ZNF569: variants seen among roughly 807,000 people sequenced by gnomAD.
The protein encoded by ZNF569 is zinc finger protein 569.
Under a neutral mutation model 56.3 loss-of-function variants are expected in ZNF569, and 38 were observed. The ratio of observed to expected loss-of-function variants is 0.68; its 90% CI spans 0.52 to 0.88. The LOEUF (loss-of-function observed/expected upper bound fraction) is 0.88. Among genes scored for constraint, ZNF569 ranks in the 40% least tolerant of loss-of-function variants. The probability of loss-of-function intolerance (pLI) is 0.00; values close to 1 mark genes in which losing one functional copy is unlikely to be tolerated. For synonymous variants in ZNF569, 241 were observed against 262.9 expected, an observed-to-expected ratio of 0.92 and a Z score of 0.81; for missense variants, 666 against 809.2, an observed-to-expected ratio of 0.82 and a Z score of 2.15.
intron 3 of ZNF569, among the ~76,000 whole-genome samples, chr19:37,440,023 C>T (rs1054145781): frequency 2.6e-5 from 4 of 152,092 alleles, no homozygotes; most frequent in Non-Finnish European, 5.9e-5. Flanking sequence ...ATAATTTGTA[C>T]ATTTAAAAAT....
chr19:37,464,243 A>G lies in ZNF569; in HGVS notation c.-44+1070T>C, dbSNP rs558545695. 1.4e-4 allele frequency among the ~76,000 whole-genome samples: 21 copies of G among 152,204 alleles called. No homozygotes were observed. The East Asian group carries it at 1.5e-3, about 11-fold the overall frequency. Reference sequence around the variant, plus strand: ...CTCACTCTGTTGCCCAGGATGGAGTACAGTGGCGCAATCTCAGCTCAATGC... The same window carrying G: ...CTCACTCTGTTGCCCAGGATGGAGTGCAGTGGCGCAATCTCAGCTCAATGC... On this transcript the variant is annotated intron_variant, in intron 2 of 5. Coordinates refer to ENST00000316950, the MANE Select transcript of ZNF569 (RefSeq NM_152484.3).
chr19:37,447,170 G>A (rs970723291), intron 2 of ZNF569, among the ~76,000 whole-genome samples: 7 of 152,174 alleles, frequency 4.6e-5, no homozygotes, highest in Non-Finnish European at 1.0e-4. Flanking sequence ...CAACCACTAT[G>A]GAAAACAGTG....
intron 5 of ZNF569, 87 bp from the exon 6 acceptor site, chr19:37,414,506 G>A (rs2040896480): frequency 1.4e-6 from 2 of 1,476,786 alleles, no homozygotes; most frequent in Non-Finnish European, 1.8e-6. Context: ...TGCAATTATG[G>A]GACTGATTAT....
chr19:37,431,435 C>T (rs1340448179), intron 3 of ZNF569: 2 of 152,392 alleles, frequency 1.3e-5, no homozygotes, highest in Non-Finnish European at 2.9e-5. Context: ...CTACACACAC[C>T]CTGGACCAGA....
rs754746607 is a variant in ZNF569 at position 37,466,882 on chromosome 19, T to A, written c.-205+202A>T. On this transcript the variant is annotated intron_variant, in intron 1 of 5. Transcript: ENST00000316950. ...CCGGGGCCACACTCAGCCAGACGAA[T>A]GTCTGGCAAATGACAGTCACTTCAC... is the stretch of plus-strand genomic sequence containing the variant. 181 of 152,530 alleles carry A rather than the reference T, an allele frequency of 1.2e-3. 1 individual carries two copies. Among genetic ancestry groups the A allele is most frequent in the Non-Finnish European group, 3.2e-4 (22 of 68,088 alleles). 9.4% of individuals were successfully genotyped at this position (152,530 alleles called of 1,614,324 possible).
intron 3 of ZNF569, among the ~76,000 whole-genome samples, chr19:37,438,468 T>C: frequency 6.6e-6 from 1 of 151,912 alleles, no homozygotes; most frequent in East Asian, 1.9e-4. Context: ...AATCCATACA[T>C]CTCCAGCGAA....
chr19:37,466,193 CCCACT>C (rs1482263570), intron 1 of ZNF569, among the ~76,000 whole-genome samples: 2 of 152,180 alleles, frequency 1.3e-5, no homozygotes, highest in Admixed American at 6.5e-5. Context: ...TTTTCTCCAC[CCCACT>C]CCACTCCCCA....
At chr19:37,468,269 A>G (rs2041885486), upstream of ZNF569, among the ~76,000 whole-genome samples, 1 of 151,728 alleles carries the variant, frequency 6.6e-6, no homozygotes, top group African/African-American at 2.4e-5. Context: ...TTTGTTTGTT[A>G]GTAGAGATAA....
At chr19:37,428,885 C>CCAGAGTT (rs2041180132) in intron 3 of ZNF569, among the ~76,000 whole-genome samples, 1 of 151,846 alleles carries the variant, frequency 6.6e-6, no homozygotes, top group Non-Finnish European at 1.5e-5. Context: ...GTTGGCCAAG[C>CCAGAGTT]TGGTCTCTAA....
chr19:37,445,113 A>G, intron 2 of ZNF569, 149 bp from the exon 3 acceptor site: 1 of 629,548 alleles, frequency 1.6e-6, no homozygotes, highest in Non-Finnish European at 2.6e-6. Context: ...AAGGTTCTTA[A>G]TAGGTGTGAG....
intron 2 of ZNF569, among the ~76,000 whole-genome samples, chr19:37,462,035 T>C (rs1364888615): frequency 6.6e-6 from 1 of 152,170 alleles, no homozygotes; most frequent in Non-Finnish European, 1.5e-5. Flanking sequence ...CTCTGTGATT[T>C]TTTTTCCCCT....
At chr19:37,448,545 T>C (rs2041536021) in intron 2 of ZNF569, among the ~76,000 whole-genome samples, 1 of 150,724 alleles carries the variant, frequency 6.6e-6, no homozygotes, top group Admixed American at 6.6e-5. Flanking sequence ...TGTCCTGAAT[T>C]ATGCTGTAAT....
At position 37,445,947 on chromosome 19, in the gene ZNF569, C is replaced by A. The variant is rs186351767; in HGVS notation, c.-43-983G>T. Among the ~76,000 whole-genome samples, 1,204 of 148,592 alleles carry A rather than the reference C, an allele frequency of 8.1e-3. 5 individuals are homozygous for A. The highest frequency in any genetic ancestry group is 0.014 in the South Asian group (65 of 4,618). On this transcript the variant is annotated intron_variant, in intron 2 of 5. Coordinates refer to ENST00000316950, the MANE Select transcript of ZNF569 (RefSeq NM_152484.3). ...TTCTACACAGAACTAGAAAAAAAAA[C>A]AATCCTAAAAATCATATGGAACCAA... is the stretch of plus-strand genomic sequence containing the variant.
At chr19:37,429,189 T>C (rs1425202959) in intron 3 of ZNF569, among the ~76,000 whole-genome samples, 4 of 152,080 alleles carry the variant, frequency 2.6e-5, no homozygotes, top group Non-Finnish European at 4.4e-5. Flanking sequence ...TTCTGGACAG[T>C]GAGATGAAAG....
chr19:37,444,307 CT>C (rs2041456623), intron 3 of ZNF569, among the ~76,000 whole-genome samples: 1 of 152,110 alleles, frequency 6.6e-6, no homozygotes, highest in South Asian at 2.1e-4. Context: ...ATGATATATA[CT>C]TTTTTGTTTC....
At chr19:37,437,361 T>C (rs903313050) in intron 3 of ZNF569, among the ~76,000 whole-genome samples, 3 of 152,058 alleles carry the variant, frequency 2.0e-5, no homozygotes, top group African/African-American at 7.2e-5. Flanking sequence ...TATGACAGAC[T>C]CACAGCTAGT....
upstream of ZNF569, chr19:37,467,831 T>C (rs1003102945): frequency 1.3e-5 from 19 of 1,511,978 alleles, no homozygotes; most frequent in Middle Eastern, 1.7e-4. Context: ...TGTGTGACCA[T>C]GGTCGCGTTT....
chr19:37,413,641 T>C lies in ZNF569; in HGVS notation c.1017A>G (p.Ala339=). Residue 339 remains alanine, a synonymous_variant, in exon 6 of 6, where the codon GCA becomes GCG. Coordinates refer to ENST00000316950, the MANE Select transcript of ZNF569 (RefSeq NM_152484.3). ...GACTTCTCATATGAAGAGCAAGGGA[T>C]GCAATTCGAGGGAAGGCTTTACCAC... ...NECGKAFPRI[A]SLALHMRSHT... is the part of the protein sequence containing the mutation. 1 of 1,614,096 alleles carries C rather than the reference T, an allele frequency of 6.2e-7. No individual in the cohort carries two copies. The highest frequency in any genetic ancestry group is 8.5e-7 in the Non-Finnish European group (1 of 1,179,974).
At chr19:37,468,177 C>A, upstream of ZNF569, 1 of 546,836 alleles carries the variant, frequency 1.8e-6, no homozygotes, top group South Asian at 2.5e-5. Flanking sequence ...GCCTCGAACT[C>A]CCGGGCTCAA....
Sources: allele counts gnomAD v4.1 joint callset (sites outside exome capture counted in the v4.1 genomes callset), GRCh38; gene constraint gnomAD v4.1.1; transcripts MANE v1.5; gene names NCBI Gene and HGNC (gene_info 2026-07-23, HGNC 2026-07-21).